Variants in DNAH12 observed in about 807,000 individuals in gnomAD.
The protein encoded by DNAH12 is dynein axonemal heavy chain 12, also known as axonemal beta dynein heavy chain 12.
DNAH12 carries 285 observed loss-of-function variants against 371.5 expected under a neutral mutation model. That is an observed-to-expected ratio of 0.77 (90% confidence interval 0.70 to 0.85). The LOEUF (loss-of-function observed/expected upper bound fraction) is 0.85. Ranked by LOEUF, DNAH12 falls within the 40% of genes least tolerant of loss-of-function variation. DNAH12 has a pLI of 0.00. For synonymous variants in DNAH12, 1,200 were observed against 1,213.0 expected (o/e 0.99, Z 0.22); for missense variants, 3,611 against 3,689.4 (o/e 0.98, Z 0.55).
chr3:57,360,921 T>C (rs1197671130), intron 58 of DNAH12, among the ~76,000 whole-genome samples: 1 of 152,196 alleles, frequency 6.6e-6, no homozygotes, highest in East Asian at 1.9e-4. Flanking sequence ...TACCATTTAA[T>C]TGTGTAAACT....
intron 60 of DNAH12, among the ~76,000 whole-genome samples, chr3:57,349,019 A>G (rs2062609788): frequency 7.5e-6 from 1 of 134,062 alleles, no homozygotes; most frequent in African/African-American, 3.1e-5. Flanking sequence ...AGCAAAAGAA[A>G]TAATCAGCAG....
In DNAH12 at chr3:57,295,716, TAAAAAAA is replaced by T. The variant is rs2061220019; in HGVS notation, c.11625-131_11625-125del. The T allele has an allele frequency of 7.7e-6, 6 of 783,534 alleles. No homozygotes were observed. The East Asian group carries it at 1.8e-4, about 24-fold the overall frequency. The allele number at this position is 783,534 out of a possible 1,614,324, so 48.5% of individuals were successfully genotyped here. On this transcript the variant is annotated intron_variant, in intron 72 of 73. Transcript: ENST00000495027. Reference sequence around the variant, plus strand: ...CTAGAGGCATAGAGAAAAAGAAATGTAAAAAAAGAAAATGAGAAAATGGCAATGAAGA... The same window carrying T: ...CTAGAGGCATAGAGAAAAAGAAATGTGAAAATGAGAAAATGGCAATGAAGA...
At chr3:57,454,980 T>C in intron 22 of DNAH12, 86 bp from the exon 23 acceptor site, 1 of 1,451,574 alleles carries the variant, frequency 6.9e-7, no homozygotes, top group Non-Finnish European at 9.2e-7. Flanking sequence ...ATGTAATATT[T>C]GGCACATACA....
intron 15 of DNAH12, 35 bp downstream of exon 15, chr3:57,471,437 C>T: frequency 6.7e-7 from 1 of 1,494,252 alleles, no homozygotes; most frequent in Non-Finnish European, 8.9e-7. Context: ...ACTCTATGGG[C>T]TGGCCATAGC....
chr3:57,318,337 T>C (rs1283623193), intron 65 of DNAH12, among the ~76,000 whole-genome samples: 1 of 152,160 alleles, frequency 6.6e-6, no homozygotes, highest in Non-Finnish European at 1.5e-5. Context: ...TTTTTATGTA[T>C]AGTGTAAGAT....
intron 13 of DNAH12, among the ~76,000 whole-genome samples, chr3:57,475,099 A>T (rs1352007716): frequency 2.0e-5 from 3 of 152,228 alleles, no homozygotes; most frequent in Admixed American, 6.5e-5. Flanking sequence ...AAATATTTAA[A>T]TTGGACCTCA....
chr3:57,460,310 C>G (rs1021999633), intron 19 of DNAH12, among the ~76,000 whole-genome samples: 1 of 152,034 alleles, frequency 6.6e-6, no homozygotes, highest in Non-Finnish European at 1.5e-5. Context: ...AAATCCTGCT[C>G]TACTCTACAT....
chr3:57,301,696 AC>A (rs2061349422), intron 70 of DNAH12, 38 bp downstream of exon 70: 1 of 1,405,034 alleles, frequency 7.1e-7, no homozygotes, highest in Non-Finnish European at 9.8e-7. Flanking sequence ...ACACACACAC[AC>A]ACACACACAC....
chr3:57,441,929 G>T (rs2065318684), intron 29 of DNAH12, among the ~76,000 whole-genome samples: 1 of 151,948 alleles, frequency 6.6e-6, no homozygotes, highest in South Asian at 2.1e-4. Flanking sequence ...AAAAGAAAAA[G>T]AAAAAATATT....
At chr3:57,491,829 A>G (rs1367557560) in intron 11 of DNAH12, among the ~76,000 whole-genome samples, 1 of 152,064 alleles carries the variant, frequency 6.6e-6, no homozygotes, top group African/African-American at 2.4e-5. Flanking sequence ...AACATGGTGA[A>G]ACCCTATCTC....
intron 16 of DNAH12, 144 bp from the exon 17 acceptor site, chr3:57,469,123 A>G (rs972831916): frequency 1.5e-5 from 11 of 713,068 alleles, no homozygotes; most frequent in East Asian, 1.5e-4. Flanking sequence ...GCACACAGGT[A>G]GAGCTGATGG....
chr3:57,508,186 C>T (rs1355776100), intron 7 of DNAH12, among the ~76,000 whole-genome samples, 196 bp downstream of exon 7: 12 of 102,104 alleles, frequency 1.2e-4, no homozygotes, highest in South Asian at 1.2e-3. Context: ...GACTCCATCA[C>T]GGGAAAAAAA....
Position 57,508,491 on chromosome 3 carries a change from T to G in DNAH12, c.592A>C (p.Asn198His). The change falls in exon 7 of 74, where the codon AAT (asparagine) becomes CAT (histidine). Residue 198 changes from asparagine to histidine, a missense_variant. Around this residue, in one of 3 missense-constraint regions of DNAH12, gnomAD observed 1,314 missense variants for 1,398.7 expected, o/e 0.94. Transcript: ENST00000495027. ...ATGTGCAAATTAGAGAATATTTGAT[T>G]TCTTGCCTGCACATAGCTAGAATGC... ...PWHSSYVQAR[N>H]QIFSNLHIIH... is the part of the protein sequence containing the mutation. 6.2e-7 allele frequency: 1 copy of G among 1,613,210 alleles called. No individual in the cohort carries two copies. Among genetic ancestry groups the G allele is most frequent in the South Asian group, 1.1e-5 (1 of 90,834 alleles).
chr3:57,493,922 A>T (rs1302145296), intron 11 of DNAH12: 2 of 152,240 alleles, frequency 1.3e-5, no homozygotes, highest in Non-Finnish European at 2.9e-5. Flanking sequence ...TAATGATGAA[A>T]AAATGAACAT....
chr3:57,375,842 T>G lies in DNAH12; in HGVS notation c.8589A>C (p.Thr2863=), dbSNP rs1189088401. Residue 2863 remains threonine, a synonymous_variant, in exon 54 of 74, where the codon ACA becomes ACC. Coordinates refer to ENST00000495027, the MANE Select transcript of DNAH12 (RefSeq NM_001366028.2). ...AFTSGFRQTC[T]KDWSMLCKKK... ...CCTTGCACAACATGCTCCAATCTTT[T>G]GTACATGTTTGTCGAAAGCCAGAAG... 1 of 152,172 alleles carries G rather than the reference T, an allele frequency of 6.6e-6. No individual in the cohort carries two copies. Among genetic ancestry groups the G allele is most frequent in the Non-Finnish European group, 1.5e-5 (1 of 68,002 alleles). 9.4% of individuals were successfully genotyped at this position (152,172 alleles called of 1,614,324 possible).
intron 12 of DNAH12, among the ~76,000 whole-genome samples, chr3:57,486,004 G>A (rs538624931): frequency 1.1e-4 from 17 of 151,900 alleles, no homozygotes; most frequent in African/African-American, 4.1e-4. Context: ...TAGATCACTT[G>A]AGGTCAGAAG....
intron 25 of DNAH12, among the ~76,000 whole-genome samples, chr3:57,449,293 C>T (rs986167911): frequency 2.6e-5 from 4 of 152,252 alleles, no homozygotes. Flanking sequence ...CCTAGTGGAT[C>T]CCACACCCGG....
intron 60 of DNAH12, among the ~76,000 whole-genome samples, chr3:57,350,595 AC>A (rs1422200077): frequency 6.6e-6 from 1 of 152,246 alleles, no homozygotes; most frequent in Non-Finnish European, 1.5e-5. Flanking sequence ...ATAGGAGAAT[AC>A]CTTCATAATA....
At chr3:57,494,728 GCCAA>G (rs1470673827) in intron 11 of DNAH12, among the ~76,000 whole-genome samples, 1 of 152,162 alleles carries the variant, frequency 6.6e-6, no homozygotes, top group African/African-American at 2.4e-5. Context: ...AAAATTCAGG[GCCAA>G]GTGTGGTAGC....
Sources: allele counts gnomAD v4.1 joint callset (sites outside exome capture counted in the v4.1 genomes callset), GRCh38; gene constraint gnomAD v4.1.1; regional missense constraint gnomAD v4.1.1; transcripts MANE v1.5; gene names NCBI Gene and HGNC (gene_info 2026-07-23, HGNC 2026-07-21).